ERBB4: variants seen among roughly 807,000 people sequenced by gnomAD.
ERBB4 encodes the protein erb-b2 receptor tyrosine kinase 4.
A neutral mutation model predicts 158.0 loss-of-function variants in ERBB4; 42 were observed. The ratio of observed to expected loss-of-function variants is 0.27; its 90% CI spans 0.21 to 0.34. The LOEUF is 0.34. ERBB4 is among the 10% of genes least tolerant of loss of function. The pLI, the probability that ERBB4 is intolerant of heterozygous loss-of-function variation, is 1.00. For missense variants in ERBB4, 1,333 were observed against 1,624.1 expected (o/e 0.82, Z 3.08); for synonymous variants, 583 against 558.7 (o/e 1.04, Z -0.61).
rs183230448 is a variant in ERBB4 at position 211,658,951 on chromosome 2, A to G, written c.1872-1123T>C. ...CATACAGCTCCAGAACATTATCAAG[A>G]TCCTTTTTATAGTTAGGATTTATAG... is the stretch of plus-strand genomic sequence containing the variant. On this transcript the variant is annotated intron_variant, in intron 15 of 27. Coordinates refer to ENST00000342788, the MANE Select transcript of ERBB4 (RefSeq NM_005235.3). 1.8e-4 allele frequency among the ~76,000 whole-genome samples: 27 copies of G among 152,198 alleles called. No homozygotes were observed. In the East Asian group the frequency reaches 4.8e-3, roughly 27 times the overall value.
At chr2:211,975,817 CA>C (rs34982812) in intron 2 of ERBB4, among the ~76,000 whole-genome samples, 4 of 151,792 alleles carry the variant, frequency 2.6e-5, no homozygotes, top group Non-Finnish European at 4.4e-5. Flanking sequence ...TGCCAATCTC[CA>C]AAAAAAGCCA....
At chr2:211,990,437 TC>T (rs2082042873) in intron 2 of ERBB4, among the ~76,000 whole-genome samples, 1 of 151,850 alleles carries the variant, frequency 6.6e-6, no homozygotes, top group Non-Finnish European at 1.5e-5. Context: ...TGTACATTTG[TC>T]ACAAAATCCA....
intron 4 of ERBB4, among the ~76,000 whole-genome samples, chr2:211,781,939 C>A (rs2106302889): frequency 6.6e-6 from 1 of 152,274 alleles, no homozygotes; most frequent in Non-Finnish European, 1.5e-5. Flanking sequence ...AAGGGGGTTG[C>A]AGTAAGACAC....
intron 1 of ERBB4, among the ~76,000 whole-genome samples, chr2:212,158,180 C>A (rs1255631311): frequency 1.3e-5 from 2 of 151,964 alleles, no homozygotes; most frequent in African/African-American, 4.8e-5. Flanking sequence ...CAAGATTAAG[C>A]AACTTGCCCA....
chr2:212,006,703 A>G (rs2076267030), intron 2 of ERBB4, among the ~76,000 whole-genome samples: 1 of 152,078 alleles, frequency 6.6e-6, no homozygotes, highest in Non-Finnish European at 1.5e-5. Context: ...TCAGATCATG[A>G]TAAGTATACC....
rs73985897 is a variant in ERBB4, at chr2:211,851,237, G to A, written c.422-63078C>T. Among the ~76,000 whole-genome samples the A allele has an allele frequency of 3.8e-3, 577 of 151,826 alleles. 4 individuals carry two copies. The highest frequency in any genetic ancestry group is 0.013 in the African/African-American group (525 of 41,438). On this transcript the variant is annotated intron_variant, in intron 3 of 27. Transcript: ENST00000342788. Reference sequence around the variant, plus strand: ...ATTCACAAGTGAAATAACCCATTACGTAATATGAACTAATGATTCAGTTCA... The same window carrying A: ...ATTCACAAGTGAAATAACCCATTACATAATATGAACTAATGATTCAGTTCA...
At chr2:211,764,750 G>A (rs1489319826) in intron 4 of ERBB4, among the ~76,000 whole-genome samples, 1 of 151,506 alleles carries the variant, frequency 6.6e-6, no homozygotes, top group Non-Finnish European at 1.5e-5. Flanking sequence ...ACAAAGGAGG[G>A]AAGAGCACCC....
chr2:211,476,570 G>GA (rs56393638), intron 20 of ERBB4, among the ~76,000 whole-genome samples: 194 of 140,454 alleles, frequency 1.4e-3, no homozygotes, highest in East Asian at 2.2e-3. Context: ...AAAAAATGAA[G>GA]AAAAAAAAAA....
intron 2 of ERBB4, among the ~76,000 whole-genome samples, chr2:212,078,347 G>A (rs971929189): frequency 2.0e-5 from 3 of 151,604 alleles, no homozygotes; most frequent in African/African-American, 4.8e-5. Flanking sequence ...CTCTAGTCCC[G>A]ATCAGATTTT....
chr2:212,002,116 CT>C (rs2076119767), intron 2 of ERBB4, among the ~76,000 whole-genome samples: 1 of 152,158 alleles, frequency 6.6e-6, no homozygotes, highest in South Asian at 2.1e-4. Flanking sequence ...TCAATGTTCA[CT>C]TTCCCACTTC....
intron 1 of ERBB4, among the ~76,000 whole-genome samples, chr2:212,527,714 A>ATTTATTTATTTAT (rs1424898743): frequency 5.4e-5 from 8 of 148,724 alleles, no homozygotes; most frequent in Admixed American, 1.3e-4. Flanking sequence ...TTATTTATTT[A>ATTTATTTATTTAT]TTATTATACT....
intron 1 of ERBB4, among the ~76,000 whole-genome samples, chr2:212,177,753 C>A (rs2081718482): frequency 6.6e-6 from 1 of 151,898 alleles, no homozygotes; most frequent in South Asian, 2.1e-4. Flanking sequence ...CTTAGACATA[C>A]TCTGGAAAGA....
intron 19 of ERBB4, among the ~76,000 whole-genome samples, chr2:211,610,668 T>G (rs989930435): frequency 6.6e-6 from 1 of 152,170 alleles, no homozygotes; most frequent in African/African-American, 2.4e-5. Flanking sequence ...TGTGGCATCA[T>G]AACACATCCT....
At position 211,644,952 on chromosome 2, in the gene ERBB4, C is replaced by T. The variant is rs74582279; in HGVS notation, c.1946+12802G>A. Among the ~76,000 whole-genome samples, 1,040 of 151,892 alleles carry T rather than the reference C, an allele frequency of 6.8e-3. 14 individuals carry two copies. The highest frequency in any genetic ancestry group is 7.6e-3 in the Non-Finnish European group (515 of 67,852). On this transcript the variant is annotated intron_variant, in intron 16 of 27. Transcript: ENST00000342788. ...TACAATCATGCCAATTGAGTTTATG[C>T]AAAATCTAAGTTTTTCTTAGAGCCA...
intron 1 of ERBB4, among the ~76,000 whole-genome samples, chr2:212,350,433 T>G (rs1300496068): frequency 6.6e-6 from 1 of 152,146 alleles, no homozygotes; most frequent in Non-Finnish European, 1.5e-5. Flanking sequence ...AAGCAAATGT[T>G]TTGCTGTCTT....
intron 1 of ERBB4, among the ~76,000 whole-genome samples, chr2:212,178,743 G>A: frequency 6.6e-6 from 1 of 151,592 alleles, no homozygotes; most frequent in East Asian, 1.9e-4. Flanking sequence ...TCAGAGATTT[G>A]AAGATAAGAG....
At chr2:211,445,806 G>T (rs149749160) in intron 20 of ERBB4, among the ~76,000 whole-genome samples, 33 of 152,200 alleles carry the variant, frequency 2.2e-4, no homozygotes, top group African/African-American at 7.5e-4. Flanking sequence ...ACAAGTTTGG[G>T]ATTGTTTATT....
intron 3 of ERBB4, among the ~76,000 whole-genome samples, chr2:211,875,930 C>T (rs773260799): frequency 3.3e-5 from 5 of 152,110 alleles, no homozygotes; most frequent in East Asian, 1.9e-4. Context: ...ATAGCCCAGA[C>T]GTGTAGGAGG....
At chr2:211,807,428 A>T (rs1424777380) in intron 3 of ERBB4, among the ~76,000 whole-genome samples, 2 of 152,086 alleles carry the variant, frequency 1.3e-5, no homozygotes, top group Admixed American at 6.5e-5. Context: ...TTTGCTCAGG[A>T]TGATGGTTTC....
Sources: gnomAD v4.1 joint callset for allele counts (sites outside exome capture counted in the v4.1 genomes callset) on GRCh38, gnomAD v4.1.1 for gene constraint, MANE v1.5 for transcripts, NCBI Gene and HGNC (gene_info 2026-07-23, HGNC 2026-07-21) for gene names.